Variants in GMPR2 observed in about 807,000 individuals in gnomAD.
GMPR2 encodes GMP reductase 2.
In GMPR2, 32 loss-of-function variants were observed where a neutral mutation model predicts 38.5. The observed-to-expected ratio is 0.83, with a 90% CI of 0.63 to 1.12. GMPR2 has a LOEUF of 1.12. Ranked by LOEUF, GMPR2 falls within the 50% of genes most tolerant of loss-of-function variation. GMPR2 has a pLI of 0.00. For missense variants in GMPR2, 396 were observed against 432.1 expected (o/e 0.92, Z 0.74); for synonymous variants, 154 against 151.0 (o/e 1.02, Z -0.15).
Position 24,238,260 on chromosome 14 carries a change from T to A in GMPR2, c.712T>A (p.Phe238Ile). The stretch of plus-strand genomic sequence containing the variant: ...GATGGTGGCAGGGGCAGGAGCTGAC[T>A]TCGTGATGCTGGGTGGCATGCTGGC... ...VAKAFGAGAD[F>I]VMLGGMLAGH... Residue 238 changes from phenylalanine to isoleucine, a missense_variant, in exon 9 of 10, where the codon TTC becomes ATC. By Grantham distance (21) the Phe-to-Ile change is conservative. Coordinates refer to ENST00000399440, the MANE Select transcript of GMPR2 (RefSeq NM_001002002.3). 6.2e-7 allele frequency: 1 copy of A among 1,611,812 alleles called. No individual in the cohort carries two copies. The highest frequency in any genetic ancestry group is 1.3e-5 in the African/African-American group (1 of 74,978).
In GMPR2 at chr14:24,233,569, A is replaced by T; in HGVS notation, c.178A>T (p.Thr60Ser). The T allele has an allele frequency of 1.2e-6, 2 of 1,614,108 alleles. No individual in the cohort carries two copies. Among genetic ancestry groups the T allele is most frequent in the Non-Finnish European group, 1.7e-6 (2 of 1,180,000 alleles). Residue 60 changes from threonine (T) to serine (S), a missense_variant, in exon 3 of 10, where the codon ACC becomes TCC. Transcript: ENST00000399440. ...IIAANMDTVG[T>S]FEMAKVLCKF... ...TGCTGCCAATATGGATACTGTGGGC[A>T]CCTTTGAGATGGCCAAGGTTCTCTG...
At chr14:24,237,495 A>T (rs753755550) in intron 7 of GMPR2, 25 bp from the exon 8 acceptor site, 1 of 1,612,386 alleles carries the variant, frequency 6.2e-7, no homozygotes. Context: ...TCCATGTTGT[A>T]TTCATAGTGC....
rs143835083 is a variant in GMPR2 at position 24,235,659 on chromosome 14, GATAGA to G, written c.208-73_208-69del. The G allele has an allele frequency of 5.1e-3, 4,917 of 967,076 alleles. 148 individuals carry two copies. The African/African-American group carries it at 0.068, about 13-fold the overall frequency. 59.9% of individuals were successfully genotyped at this position (967,076 alleles called of 1,614,324 possible). On this transcript the variant is annotated intron_variant, in intron 3 of 9. Coordinates refer to ENST00000399440, the MANE Select transcript of GMPR2 (RefSeq NM_001002002.3). ...CCAACTTCAATCATGTCCTCCCTCA[GATAGA>G]ATAGGTCTGTTTCTAGAAAAGAGAC...
rs769533866 is a variant in GMPR2, at chr14:24,236,111, CG to C, written c.438del (p.Lys147SerfsTer14). The C allele has an allele frequency of 1.6e-4, 261 of 1,613,998 alleles. No homozygotes were observed. The highest frequency in any genetic ancestry group is 2.1e-4 in the Non-Finnish European group (244 of 1,179,880). ...EHFVEFVKDV[R>X]KRFPQHTIMA... ...CTTTGTTGAATTTGTAAAAGATGTA[CG>C]GAAGCGCTTCCCCCAGCACACCATC... On this transcript the variant is annotated frameshift_variant, in exon 5 of 10. Coordinates refer to ENST00000399440, the MANE Select transcript of GMPR2 (RefSeq NM_001002002.3). LOFTEE classifies it high-confidence loss of function.
intron 8 of GMPR2, 158 bp from the exon 9 acceptor site, chr14:24,238,088 T>A (rs948437756): frequency 1.8e-4 from 114 of 645,578 alleles, no homozygotes; most frequent in Non-Finnish European, 2.6e-4. Context: ...CCAGGGCAGA[T>A]CAGGCCTGCG....
At chr14:24,233,145 A>G (rs2040136800) in intron 1 of GMPR2, 74 bp from the exon 2 acceptor site, 1 of 1,604,558 alleles carries the variant, frequency 6.2e-7, no homozygotes, top group Non-Finnish European at 8.5e-7. Flanking sequence ...AACTTAAGCG[A>G]AGAGAGGCCA....
Position 24,235,983 on chromosome 14 carries a change from C to G in GMPR2, c.308C>G (p.Ser103Ter). The G allele has an allele frequency of 6.2e-7, 1 of 1,614,046 alleles. No individual in the cohort carries two copies. Among genetic ancestry groups the G allele is most frequent in the Non-Finnish European group, 8.5e-7 (1 of 1,179,944 alleles). The stretch of plus-strand genomic sequence containing the variant: ...CTCCCACAGCATCTGGCTGCCAGCT[C>G]AGGCACAGGCTCTTCTGACTTTGAG... ...PDCLEHLAASSGTGSSDFEQL... is the reference protein window; with the variant it reads ...PDCLEHLAAS The change falls in exon 5 of 10, where the codon TCA becomes TGA. Residue 103 changes from serine to a stop codon, truncating the protein, a stop_gained. Coordinates refer to ENST00000399440, the MANE Select transcript of GMPR2 (RefSeq NM_001002002.3). LOFTEE classifies it high-confidence loss of function.
At position 24,237,090 on chromosome 14, in the gene GMPR2, G is replaced by C. The variant is rs369697976; in HGVS notation, c.485G>C (p.Gly162Ala). 30 of 1,613,190 alleles carry C rather than the reference G, an allele frequency of 1.9e-5. No individual in the cohort carries two copies. The highest frequency in any genetic ancestry group is 3.3e-4 in the Middle Eastern group (2 of 6,084). The stretch of plus-strand genomic sequence containing the variant: ...TCTCAGGCAGGGAATGTGGTAACAG[G>C]AGAGATGGTAGAAGAGCTCATCCTT... ...HTIMAGNVVT[G>A]EMVEELILSG... Residue 162 changes from glycine to alanine, a missense_variant, in exon 6 of 10, where the codon GGA becomes GCA. Physicochemically the swap from Gly to Ala is moderately conservative, Grantham distance 60. Coordinates refer to ENST00000399440, the MANE Select transcript of GMPR2 (RefSeq NM_001002002.3).
chr14:24,238,578 C>T lies in GMPR2; in HGVS notation c.858-11C>T. The T allele has an allele frequency of 3.1e-6, 5 of 1,613,988 alleles. No individual in the cohort carries two copies. The highest frequency in any genetic ancestry group is 4.2e-6 in the Non-Finnish European group (5 of 1,179,954). Reference sequence around the variant, plus strand: ...AGAAGGAGAAGATAATAAAGTTTTTCCTACTTTAAGAGCCTCAGAGGGAAA... The same window carrying T: ...AGAAGGAGAAGATAATAAAGTTTTTTCTACTTTAAGAGCCTCAGAGGGAAA... On this transcript the variant is annotated splice_polypyrimidine_tract_variant and intron_variant, in intron 9 of 9. Transcript: ENST00000399440.
chr14:24,233,108 C>A, intron 1 of GMPR2, 111 bp from the exon 2 acceptor site: 1 of 1,412,152 alleles, frequency 7.1e-7, no homozygotes, highest in Non-Finnish European at 9.9e-7. Context: ...TCAGGGACCA[C>A]ACTTCGGCCT....
chr14:24,234,127 C>G (rs2040221553), intron 3 of GMPR2: 1 of 1,289,314 alleles, frequency 7.8e-7, no homozygotes, highest in East Asian at 5.5e-5. Context: ...CTGGGAGTTT[C>G]TGGGATGTGC....
rs773794092 is a variant in GMPR2, at chr14:24,237,186, C to A, written c.547+34C>A. 23 of 1,532,696 alleles carry A rather than the reference C, an allele frequency of 1.5e-5. No homozygotes were observed. In the African/African-American group the frequency reaches 1.9e-4, roughly 13 times the overall value. 94.9% of individuals were successfully genotyped at this position (1,532,696 alleles called of 1,614,324 possible). Reference sequence around the variant, plus strand: ...GTTCATTGGGGCCACTGGCTACCCCCCTTCAGTGGCAAACACCTGTGGAGC... The same window carrying A: ...GTTCATTGGGGCCACTGGCTACCCCACTTCAGTGGCAAACACCTGTGGAGC... On this transcript the variant is annotated intron_variant, in intron 6 of 9. Transcript: ENST00000399440.
At chr14:24,232,757 G>A (rs2040102799), upstream of GMPR2, 1 of 229,758 alleles carries the variant, frequency 4.4e-6, no homozygotes, top group Non-Finnish European at 8.8e-6. Flanking sequence ...ACCTGTTGGC[G>A]TGGCCCAGAA....
chr14:24,235,301 G>C lies in GMPR2; in HGVS notation c.208-436G>C, dbSNP rs985681777. The C allele has an allele frequency of 4.8e-4, 82 of 170,800 alleles. 1 individual carries two copies. The highest frequency in any genetic ancestry group is 2.0e-4 in the Non-Finnish European group (16 of 79,522). The allele number at this position is 170,800 out of a possible 1,614,324, so 10.6% of individuals were successfully genotyped here. A position where few individuals can be genotyped will look rare whatever the true frequency, so the allele number is the denominator to read the frequency against. On this transcript the variant is annotated intron_variant, in intron 3 of 9. Coordinates refer to ENST00000399440, the MANE Select transcript of GMPR2 (RefSeq NM_001002002.3). ...CATCCAGATCTACTGAATTACTGCT[G>C]GTAAATGAACGAGAACATAACCAAA...
upstream of GMPR2, chr14:24,232,926 A>C (rs1566675241): frequency 1.3e-5 from 6 of 452,978 alleles, no homozygotes; most frequent in East Asian, 1.1e-4. Flanking sequence ...CCCCTAAATC[A>C]GCCTCTTGCC....
In GMPR2 at chr14:24,233,500, T is replaced by G; in HGVS notation, c.109T>G (p.Ser37Ala). ...RSEVDLTRSFSFRNSKQTYSG... is the reference protein window; with the variant it reads ...RSEVDLTRSFAFRNSKQTYSG... ...GCAGGTGGATCTCACAAGATCCTTT[T>G]CATTTCGGAACTCAAAGCAGACATA... Residue 37 changes from serine to alanine, a missense_variant, in exon 3 of 10, where the codon TCA becomes GCA. Transcript: ENST00000399440. 1 of 1,614,100 alleles carries G rather than the reference T, an allele frequency of 6.2e-7. No homozygotes were observed. Among genetic ancestry groups the G allele is most frequent in the Non-Finnish European group, 8.5e-7 (1 of 1,179,960 alleles).
rs1186850714 is a variant in GMPR2 at position 24,238,717 on chromosome 14, G to A, written c.986G>A (p.Arg329Lys). Residue 329 changes from arginine to lysine, a missense_variant, in exon 10 of 10, where the codon AGG becomes AAG. Arg to Lys is a conservative substitution (Grantham distance 26). Coordinates refer to ENST00000399440, the MANE Select transcript of GMPR2 (RefSeq NM_001002002.3). ...GCAGCTAAGCTCAAAGAGTTGAGCAGGAGAACTACCTTCATCCGAGTCACC... is the reference window on the plus strand; with the variant it reads ...GCAGCTAAGCTCAAAGAGTTGAGCAAGAGAACTACCTTCATCCGAGTCACC... Reference protein sequence around the residue: ...VGAAKLKELSRRTTFIRVTQQ... With the variant: ...VGAAKLKELSKRTTFIRVTQQ... The A allele has an allele frequency of 1.9e-6, 3 of 1,613,986 alleles. No homozygotes were observed. Among genetic ancestry groups the A allele is most frequent in the South Asian group, 2.2e-5 (2 of 91,062 alleles).
chr14:24,235,851 T>C, intron 4 of GMPR2, 31 bp downstream of exon 4: 1 of 1,594,594 alleles, frequency 6.3e-7, no homozygotes, highest in Non-Finnish European at 8.6e-7. Context: ...CTCCCTTCCT[T>C]ATCCCAGTTT....
Position 24,238,639 on chromosome 14 carries a change from A to G in GMPR2, c.908A>G (p.His303Arg), listed in dbSNP as rs201431034. The change falls in exon 10 of 10, where the codon CAT becomes CGT. Residue 303 changes from histidine (H) to arginine (R), a missense_variant. Physicochemically the swap from His to Arg is conservative, Grantham distance 29. Transcript: ENST00000399440. The part of the protein sequence containing the change: ...VEVPFKGDVE[H>R]TIRDILGGIR... ...GTTCCTTTTAAAGGAGATGTGGAAC[A>G]TACCATCCGAGACATCCTAGGAGGG... The G allele has an allele frequency of 4.1e-4, 668 of 1,614,188 alleles. 3 individuals are homozygous for G. Among genetic ancestry groups the G allele is most frequent in the South Asian group, 5.6e-4 (51 of 91,084 alleles).
Sources: gnomAD v4.1 joint callset for allele counts on GRCh38, gnomAD v4.1.1 for gene constraint, MANE v1.5 for transcripts, NCBI Gene and HGNC (gene_info 2026-07-23, HGNC 2026-07-21) for gene names.